AUTS2: variants seen among roughly 807,000 people sequenced by gnomAD.
AUTS2 encodes the protein activator of transcription and developmental regulator AUTS2.
AUTS2 carries 17 observed loss-of-function variants against 112.4 expected under a neutral mutation model. That is an observed-to-expected ratio of 0.15 (90% confidence interval 0.10 to 0.23). The LOEUF (loss-of-function observed/expected upper bound fraction) is 0.23. AUTS2 is among the 10% of genes least tolerant of loss of function. AUTS2 has a pLI of 1.00. For missense variants in AUTS2, 1,510 were observed against 1,701.6 expected, an observed-to-expected ratio of 0.89 and a Z score of 1.98; for synonymous variants, 751 against 702.7, an observed-to-expected ratio of 1.07 and a Z score of -1.09.
rs867749295 is a variant in AUTS2, at chr7:70,696,655, C to T, written c.691-1914C>T. ...AAGCAAAAGGCCTGTTCACCCACAG[C>T]TTCTGTCCTTTTCACTCGAACACAC... On this transcript the variant is annotated intron_variant, in intron 5 of 18. Coordinates refer to ENST00000342771, the MANE Select transcript of AUTS2 (RefSeq NM_015570.4). 2.1e-4 allele frequency among the ~76,000 whole-genome samples: 32 copies of T among 151,064 alleles called. 1 individual carries two copies. The highest frequency in any genetic ancestry group is 3.4e-3 in the Middle Eastern group (1 of 292).
chr7:70,660,250 G>A (rs1331421516), intron 5 of AUTS2, among the ~76,000 whole-genome samples: 2 of 152,082 alleles, frequency 1.3e-5, no homozygotes, highest in Non-Finnish European at 2.9e-5. Flanking sequence ...CCTTGGCAGG[G>A]TCTACAGTGT....
At chr7:70,170,248 C>T (rs1227315315) in intron 4 of AUTS2, among the ~76,000 whole-genome samples, 1 of 150,204 alleles carries the variant, frequency 6.7e-6, no homozygotes, top group Non-Finnish European at 1.5e-5. Flanking sequence ...CAATCTCTAC[C>T]TCCTGGGCTC....
chr7:70,018,219 T>TAAGTTA (rs1324012932), intron 2 of AUTS2, among the ~76,000 whole-genome samples: 2 of 152,138 alleles, frequency 1.3e-5, no homozygotes. Flanking sequence ...CTTTTTTTTT[T>TAAGTTA]AACGCCTTTA....
chr7:69,992,160 G>A (rs1316283550), intron 2 of AUTS2, among the ~76,000 whole-genome samples: 1 of 152,150 alleles, frequency 6.6e-6, no homozygotes, highest in Non-Finnish European at 1.5e-5. Context: ...CATGTGAGAC[G>A]GAAAAGGAGC....
intron 1 of AUTS2, among the ~76,000 whole-genome samples, chr7:69,785,550 C>G (rs578237243): frequency 6.6e-6 from 1 of 152,358 alleles, no homozygotes; most frequent in South Asian, 2.1e-4. Context: ...ATCCCTTCTG[C>G]GGAGCAGAGT....
At chr7:69,773,014 CGG>C (rs1215299841) in intron 1 of AUTS2, among the ~76,000 whole-genome samples, 5 of 152,082 alleles carry the variant, frequency 3.3e-5, no homozygotes, top group African/African-American at 1.2e-4. Context: ...TAAAAGAGTA[CGG>C]TATGTAAGAA....
chr7:69,652,274 A>G (rs1562787377), intron 1 of AUTS2, among the ~76,000 whole-genome samples: 1 of 151,966 alleles, frequency 6.6e-6, no homozygotes, highest in East Asian at 1.9e-4. Flanking sequence ...AATAACTTGA[A>G]AGTAGACACC....
Position 70,699,647 on chromosome 7 carries a change from C to T in AUTS2, c.742+1027C>T, listed in dbSNP as rs920797687. ...GTTCCCTTGAGGTGTATGTGATTGC[C>T]GTTACTCCCAGAATTACTGTCATAT... On this transcript the variant is annotated intron_variant, in intron 6 of 18. Coordinates refer to ENST00000342771, the MANE Select transcript of AUTS2 (RefSeq NM_015570.4). Among the ~76,000 whole-genome samples the T allele has an allele frequency of 8.5e-5, 13 of 152,254 alleles. 1 individual carries two copies. The highest frequency in any genetic ancestry group is 5.2e-4 in the Admixed American group (8 of 15,296).
chr7:70,062,296 G>A (rs1802287533), intron 2 of AUTS2, among the ~76,000 whole-genome samples: 1 of 151,690 alleles, frequency 6.6e-6, no homozygotes, highest in Non-Finnish European at 1.5e-5. Context: ...GGATCACGAG[G>A]TCAAGAGATC....
At chr7:70,401,958 C>A (rs1794343669) in intron 4 of AUTS2, among the ~76,000 whole-genome samples, 1 of 152,252 alleles carries the variant, frequency 6.6e-6, no homozygotes, top group Non-Finnish European at 1.5e-5. Flanking sequence ...TAACTTCTTA[C>A]ACTATTCCCC....
rs1563178100 is a variant in AUTS2, at chr7:70,760,196, A to ATG, written c.743-2674_743-2673insTG. On this transcript the variant is annotated intron_variant, in intron 6 of 18. Coordinates refer to ENST00000342771, the MANE Select transcript of AUTS2 (RefSeq NM_015570.4). ...AATTTTTTGTGTTTTTAGTAGAGGC[A>ATG]GGGTTTCACCGTGTTAGCCAGGATG... Among the ~76,000 whole-genome samples, 31 of 152,238 alleles carry ATG rather than the reference A, an allele frequency of 2.0e-4. No individual in the cohort carries two copies. In the East Asian group the frequency reaches 4.6e-3, roughly 23 times the overall value.
At chr7:70,229,722 C>G (rs908575667) in intron 4 of AUTS2, among the ~76,000 whole-genome samples, 17 of 152,020 alleles carry the variant, frequency 1.1e-4, no homozygotes, top group South Asian at 4.2e-4. Flanking sequence ...TTGAGGTGTG[C>G]TACAGGTCTG....
chr7:69,601,833 C>T (rs1649787797), intron 1 of AUTS2, among the ~76,000 whole-genome samples: 1 of 151,830 alleles, frequency 6.6e-6, no homozygotes, highest in African/African-American at 2.4e-5. Context: ...GCAGCATGTT[C>T]CTATTAGAAC....
intron 4 of AUTS2, among the ~76,000 whole-genome samples, chr7:70,302,508 A>G (rs1397798652): frequency 6.6e-6 from 1 of 152,176 alleles, no homozygotes; most frequent in Non-Finnish European, 1.5e-5. Context: ...CCAAATGGAT[A>G]TACCAATTAC....
intron 4 of AUTS2, among the ~76,000 whole-genome samples, chr7:70,142,147 T>C (rs1434682751): frequency 6.6e-6 from 1 of 152,186 alleles, no homozygotes; most frequent in Non-Finnish European, 1.5e-5. Flanking sequence ...GCAAACTCTT[T>C]AAGGAGATAA....
At chr7:69,762,842 T>C (rs1788252377) in intron 1 of AUTS2, among the ~76,000 whole-genome samples, 1 of 152,220 alleles carries the variant, frequency 6.6e-6, no homozygotes, top group South Asian at 2.1e-4. Flanking sequence ...GAGTTTCCCT[T>C]GTGTCATGTG....
intron 11 of AUTS2, among the ~76,000 whole-genome samples, chr7:70,773,348 T>C (rs1209887966): frequency 6.6e-6 from 1 of 152,180 alleles, no homozygotes; most frequent in Non-Finnish European, 1.5e-5. Flanking sequence ...AAAGTAGGCT[T>C]TTTATTGTTG....
intron 5 of AUTS2, among the ~76,000 whole-genome samples, chr7:70,663,174 C>T (rs1239250573): frequency 1.3e-5 from 2 of 152,162 alleles, no homozygotes. Flanking sequence ...GCAGGCGGAT[C>T]ACTTGAGGCC....
At chr7:69,790,051 T>C (rs1279267483) in intron 1 of AUTS2, among the ~76,000 whole-genome samples, 1 of 151,926 alleles carries the variant, frequency 6.6e-6, no homozygotes, top group East Asian at 1.9e-4. Context: ...GAGTCTGAGC[T>C]GGGAAGATTG....
Sources: gnomAD v4.1 joint callset for allele counts (sites outside exome capture counted in the v4.1 genomes callset) on GRCh38, gnomAD v4.1.1 for gene constraint, MANE v1.5 for transcripts, NCBI Gene and HGNC (gene_info 2026-07-23, HGNC 2026-07-21) for gene names.